The following KLF8 variants were observed in gnomAD, a reference collection of about 807,000 sequenced individuals.
KLF8 encodes Krueppel-like factor 8.
A neutral mutation model predicts 18.2 loss-of-function variants in KLF8; 10 were observed. The observed-to-expected ratio is 0.55, with a 90% CI of 0.34 to 0.93. KLF8 has a LOEUF of 0.93. KLF8 is among the 40% of genes least tolerant of loss of function. KLF8 has a pLI of 0.02. For synonymous variants in KLF8, 109 were observed against 97.3 expected (o/e 1.12, Z -0.71); for missense variants, 264 against 277.9 (o/e 0.95, Z 0.36).
chrX:55,964,082 G>T, the KLF8 span, among the ~76,000 whole-genome samples: 1 of 110,783 alleles, frequency 9.0e-6, no homozygotes, highest in Non-Finnish European at 1.9e-5. Flanking sequence ...ATGAAACCAG[G>T]GATACAACAT....
the KLF8 span, among the ~76,000 whole-genome samples, chrX:55,934,249 C>G: frequency 2.1e-3 from 239 of 111,526 alleles, 1 homozygote; most frequent in African/African-American, 7.6e-3. Context: ...AAAAGGTGCT[C>G]AAGAAATGTT....
At chrX:56,134,692 G>T in the KLF8 span, among the ~76,000 whole-genome samples, 2 of 110,824 alleles carry the variant, frequency 1.8e-5, no homozygotes, top group Non-Finnish European at 3.8e-5. Flanking sequence ...AAAGCAAAAA[G>T]AACAGTCAGC....
the KLF8 span, among the ~76,000 whole-genome samples, chrX:56,084,611 A>G: frequency 8.9e-6 from 1 of 111,799 alleles, no homozygotes; most frequent in Non-Finnish European, 1.9e-5. Context: ...AAACTAAATA[A>G]AGTGATCTTT....
At chrX:56,173,359 T>C in the KLF8 span, among the ~76,000 whole-genome samples, 43 of 111,792 alleles carry the variant, frequency 3.8e-4, no homozygotes, top group African/African-American at 1.4e-3. Context: ...AATAGGGAAT[T>C]GTTTCCCCAT....
the KLF8 span, among the ~76,000 whole-genome samples, chrX:56,008,932 T>C: frequency 8.9e-6 from 1 of 111,893 alleles, no homozygotes; most frequent in South Asian, 3.7e-4. Flanking sequence ...CAGACAGAAG[T>C]CTGATCTCTC....
At chrX:56,005,166 C>T in the KLF8 span, among the ~76,000 whole-genome samples, 1 of 110,415 alleles carries the variant, frequency 9.1e-6, no homozygotes, top group African/African-American at 3.3e-5. Context: ...CCTCAGCCTC[C>T]AGAGTAGCTG....
the KLF8 span, among the ~76,000 whole-genome samples, chrX:56,035,629 A>AT: frequency 2.7e-5 from 3 of 111,874 alleles, no homozygotes; most frequent in Non-Finnish European, 5.7e-5. Context: ...AACATATGTT[A>AT]TTTTTTGTGT....
chrX:56,192,210 C>T, the KLF8 span, among the ~76,000 whole-genome samples: 1 of 111,414 alleles, frequency 9.0e-6, no homozygotes, highest in Admixed American at 9.6e-5. Flanking sequence ...ATCAAGAAAG[C>T]AATTCCATTT....
chrX:56,116,486 T>C, the KLF8 span, among the ~76,000 whole-genome samples: 1 of 110,147 alleles, frequency 9.1e-6, no homozygotes, highest in Non-Finnish European at 1.9e-5. Context: ...ATTTGCAAGT[T>C]CCTGAAAAGG....
the KLF8 span, among the ~76,000 whole-genome samples, chrX:56,082,659 A>G: frequency 1.8e-5 from 2 of 111,138 alleles, no homozygotes; most frequent in Non-Finnish European, 3.8e-5. Context: ...TTGCTTCCTC[A>G]GAAGATATTT....
At chrX:56,210,108 TG>T in the KLF8 span, among the ~76,000 whole-genome samples, 1 of 112,071 alleles carries the variant, frequency 8.9e-6, no homozygotes, top group African/African-American at 3.2e-5. Flanking sequence ...TAATACTCTA[TG>T]TTTTTCTGTG....
At chrX:56,046,316 T>A in the KLF8 span, among the ~76,000 whole-genome samples, 1 of 111,674 alleles carries the variant, frequency 9.0e-6, no homozygotes, top group Non-Finnish European at 1.9e-5. Flanking sequence ...TCTTTTTTTG[T>A]TATGCCCTTC....
chrX:56,157,628 C>A, the KLF8 span, among the ~76,000 whole-genome samples: 2 of 111,686 alleles, frequency 1.8e-5, no homozygotes, highest in Non-Finnish European at 3.8e-5. Flanking sequence ...ATTTGCAATT[C>A]TCTGATGGCC....
the KLF8 span, among the ~76,000 whole-genome samples, chrX:56,188,482 G>A: frequency 9.0e-6 from 1 of 111,609 alleles, no homozygotes; most frequent in Non-Finnish European, 1.9e-5. Flanking sequence ...TCCCCATCAA[G>A]CTACCAATGA....
the KLF8 span, among the ~76,000 whole-genome samples, chrX:55,931,561 G>T: frequency 1.8e-5 from 2 of 111,649 alleles, no homozygotes; most frequent in Non-Finnish European, 3.8e-5. Context: ...AGAGATTCTG[G>T]TATGTTGTGG....
chrX:56,042,806 T>C, the KLF8 span, among the ~76,000 whole-genome samples: 2 of 111,644 alleles, frequency 1.8e-5, no homozygotes, highest in Non-Finnish European at 1.9e-5. Context: ...TTCTGTGTTT[T>C]TTAGATTGTT....
At chrX:55,934,230 A>G in the KLF8 span, among the ~76,000 whole-genome samples, 3 of 111,814 alleles carry the variant, frequency 2.7e-5, no homozygotes, top group Admixed American at 9.6e-5. Flanking sequence ...TATCAGAGTC[A>G]TGGTGTATAA....
At chrX:56,171,128 T>C in the KLF8 span, among the ~76,000 whole-genome samples, 2 of 111,762 alleles carry the variant, frequency 1.8e-5, no homozygotes, top group Admixed American at 1.9e-4. Flanking sequence ...AATATTATAG[T>C]CCTGTAACTG....
upstream of KLF8, among the ~76,000 whole-genome samples, chrX:56,231,201 T>A (rs1490353162): frequency 9.0e-6 from 1 of 111,456 alleles, no homozygotes; most frequent in Non-Finnish European, 1.9e-5. Context: ...CTTGGATGTA[T>A]GGTGGTGCCA....
Sources: gnomAD v4.1 joint callset for allele counts (sites outside exome capture counted in the v4.1 genomes callset) on GRCh38, gnomAD v4.1.1 for gene constraint, MANE v1.5 for transcripts, NCBI Gene and HGNC (gene_info 2026-07-23, HGNC 2026-07-21) for gene names.